Variants in NEK10 observed in about 807,000 individuals in gnomAD.
The protein encoded by NEK10 is NIMA related kinase 10.
In NEK10, 122 loss-of-function variants were observed where a neutral mutation model predicts 159.8. The observed-to-expected ratio is 0.76, with a 90% CI of 0.66 to 0.89. The LOEUF is 0.89. Ranked by LOEUF, NEK10 falls within the 40% of genes least tolerant of loss-of-function variation. The pLI, the probability that NEK10 is intolerant of heterozygous loss-of-function variation, is 0.00. For missense variants in NEK10, 1,342 were observed against 1,323.1 expected, an observed-to-expected ratio of 1.01 and a Z score of -0.22; for synonymous variants, 466 against 457.1, an observed-to-expected ratio of 1.02 and a Z score of -0.25.
At chr3:27,212,847 TC>T (rs1016290301) in intron 23 of NEK10, among the ~76,000 whole-genome samples, 12 of 152,154 alleles carry the variant, frequency 7.9e-5, no homozygotes, top group African/African-American at 2.9e-4. Flanking sequence ...TATCGTAATT[TC>T]CCTCAAACTA....
At chr3:27,241,335 C>A (rs1050495163) in intron 23 of NEK10, among the ~76,000 whole-genome samples, 2 of 152,132 alleles carry the variant, frequency 1.3e-5, no homozygotes, top group Non-Finnish European at 2.9e-5. Flanking sequence ...TTAACATCCC[C>A]TGACCCTTAC....
At position 27,111,196 on chromosome 3, in the gene NEK10, G is replaced by C. The variant is rs1205534363; in HGVS notation, c.*76C>G. On this transcript the variant is annotated 3_prime_UTR_variant, in exon 36 of 36. Coordinates refer to ENST00000691995, the MANE Select transcript of NEK10 (RefSeq NM_001394966.1). Reference sequence around the variant, plus strand: ...CCCTCTAGCAGCACCCAATCCTTGGGCATCTTGCAATAGCGGCTGAAGTCC... The same window carrying C: ...CCCTCTAGCAGCACCCAATCCTTGGCCATCTTGCAATAGCGGCTGAAGTCC... 12 of 1,379,602 alleles carry C rather than the reference G, an allele frequency of 8.7e-6. No individual in the cohort carries two copies. The highest frequency in any genetic ancestry group is 1.1e-5 in the Non-Finnish European group (11 of 973,792). 85.5% of individuals were successfully genotyped at this position (1,379,602 alleles called of 1,614,324 possible).
intron 25 of NEK10, among the ~76,000 whole-genome samples, chr3:27,193,497 C>T (rs540898306): frequency 6.6e-6 from 1 of 152,012 alleles, no homozygotes; most frequent in Non-Finnish European, 1.5e-5. Context: ...CCACTCTTTC[C>T]CCTCCTCCAG....
In NEK10 at chr3:27,337,555, C is replaced by A. The variant is rs561055636; in HGVS notation, c.362+6717G>T. On this transcript the variant is annotated intron_variant, in intron 5 of 35. Coordinates refer to ENST00000691995, the MANE Select transcript of NEK10 (RefSeq NM_001394966.1). ...CACTACCTGACTTCAAAATATATTA[C>A]AAGGCCATAGTAACCAAAACAGCAT... Among the ~76,000 whole-genome samples the A allele has an allele frequency of 7.2e-5, 11 of 152,256 alleles. No homozygotes were observed. In the East Asian group the frequency reaches 2.1e-3, roughly 29 times the overall value.
chr3:27,264,481 T>C (rs779422122), intron 22 of NEK10, among the ~76,000 whole-genome samples: 1 of 152,166 alleles, frequency 6.6e-6, no homozygotes, highest in Non-Finnish European at 1.5e-5. Flanking sequence ...CAAGGCTAAT[T>C]TGACTTTTAA....
chr3:27,266,924 T>A (rs555817064), intron 22 of NEK10, among the ~76,000 whole-genome samples: 19 of 152,308 alleles, frequency 1.2e-4, no homozygotes, highest in African/African-American at 4.6e-4. Context: ...TGGCACTATA[T>A]CCAGCTTCCT....
intron 5 of NEK10, among the ~76,000 whole-genome samples, chr3:27,324,304 T>TCAGTTGTTGAGGATACTTG (rs2045862106): frequency 6.6e-6 from 1 of 152,216 alleles, no homozygotes; most frequent in African/African-American, 2.4e-5. Flanking sequence ...GCATTTCACA[T>TCAGTTGTTGAGGATACTTG]CAGTTGTTGA....
chr3:27,261,870 AG>A (rs1380538551), intron 22 of NEK10, among the ~76,000 whole-genome samples: 1 of 152,162 alleles, frequency 6.6e-6, no homozygotes, highest in Non-Finnish European at 1.5e-5. Flanking sequence ...GTCTCCTTCT[AG>A]GTCTCTAATG....
At chr3:27,158,836 T>C (rs963057573) in intron 30 of NEK10, among the ~76,000 whole-genome samples, 7 of 152,242 alleles carry the variant, frequency 4.6e-5, no homozygotes, top group Admixed American at 2.0e-4. Context: ...CATTATAGTA[T>C]GTACTTGAAA....
At chr3:27,166,916 C>T (rs543820897) in intron 29 of NEK10, among the ~76,000 whole-genome samples, 3 of 152,004 alleles carry the variant, frequency 2.0e-5, no homozygotes, top group Admixed American at 6.5e-5. Context: ...GCTGAGATGG[C>T]ACCACTGCAC....
intron 30 of NEK10, chr3:27,162,251 C>T: frequency 1.2e-6 from 1 of 847,846 alleles, no homozygotes; most frequent in Non-Finnish European, 1.7e-6. Flanking sequence ...TTGGAAAAAA[C>T]AGCCCATAAT....
chr3:27,344,605 T>C (rs1258976768), intron 4 of NEK10, among the ~76,000 whole-genome samples: 2 of 152,212 alleles, frequency 1.3e-5, no homozygotes, highest in African/African-American at 4.8e-5. Context: ...AAATAAAATA[T>C]AGTCAAGCAT....
intron 13 of NEK10, among the ~76,000 whole-genome samples, chr3:27,298,632 C>A (rs4634071): frequency 0.22 from 33,901 of 152,082 alleles, 4,281 homozygotes; most frequent in Middle Eastern, 0.37. Context: ...CACAAGAAGA[C>A]AGGAAAATGT....
At chr3:27,153,101 A>G (rs2148756945) in intron 30 of NEK10, among the ~76,000 whole-genome samples, 1 of 152,228 alleles carries the variant, frequency 6.6e-6, no homozygotes, top group East Asian at 1.9e-4. Context: ...TGGGCAGATC[A>G]TGAGGTCAGG....
In NEK10 at chr3:27,116,013, A is replaced by C. The variant is rs1940364000; in HGVS notation, c.3244-18T>G. 1.2e-6 allele frequency: 2 copies of C among 1,612,642 alleles called. No homozygotes were observed. The highest frequency in any genetic ancestry group is 1.7e-6 in the Non-Finnish European group (2 of 1,179,036). ...ATCACAGTCTAAAATTTTAAAAATC[A>C]GGTTAGTATTGAATTAGAAGTAACA... is the stretch of plus-strand genomic sequence containing the variant. On this transcript the variant is annotated intron_variant, in intron 34 of 35. Coordinates refer to ENST00000691995, the MANE Select transcript of NEK10 (RefSeq NM_001394966.1).
At chr3:27,270,587 C>T (rs1330298556) in intron 22 of NEK10, among the ~76,000 whole-genome samples, 4 of 152,270 alleles carry the variant, frequency 2.6e-5, no homozygotes, top group South Asian at 2.1e-4. Flanking sequence ...TGCCATCATC[C>T]GTCCATGCTA....
At chr3:27,257,883 G>C (rs1956378039) in intron 22 of NEK10, among the ~76,000 whole-genome samples, 2 of 151,566 alleles carry the variant, frequency 1.3e-5, no homozygotes, top group South Asian at 4.2e-4. Context: ...CTGCCTGCCG[G>C]GTTCACGCCA....
At chr3:27,200,281 T>C (rs1032726419) in intron 25 of NEK10, among the ~76,000 whole-genome samples, 7 of 152,088 alleles carry the variant, frequency 4.6e-5, no homozygotes, top group African/African-American at 1.4e-4. Context: ...ATACATCTAT[T>C]ATAGTTCATC....
chr3:27,277,518 G>C (rs2041857130), intron 22 of NEK10, among the ~76,000 whole-genome samples: 1 of 151,998 alleles, frequency 6.6e-6, no homozygotes, highest in South Asian at 2.1e-4. Context: ...CTTTGACCAA[G>C]CTCCCCACCC....
Sources: gnomAD v4.1 joint callset for allele counts (sites outside exome capture counted in the v4.1 genomes callset) on GRCh38, gnomAD v4.1.1 for gene constraint, MANE v1.5 for transcripts, NCBI Gene and HGNC (gene_info 2026-07-23, HGNC 2026-07-21) for gene names.